The following DCUN1D3 variants were observed in gnomAD, a reference collection of about 807,000 sequenced individuals.
DCUN1D3 encodes defective in cullin neddylation 1 domain containing 3.
In DCUN1D3, 6 loss-of-function variants were observed where a neutral mutation model predicts 24.8. That is an observed-to-expected ratio of 0.24 (90% CI 0.13 to 0.48). The LOEUF is 0.48. Ranked by LOEUF, DCUN1D3 falls within the 20% of genes least tolerant of loss-of-function variation. The pLI is 0.99. For synonymous variants in DCUN1D3, 120 were observed against 144.9 expected, an observed-to-expected ratio of 0.83 and a Z score of 1.24; for missense variants, 258 against 379.4, an observed-to-expected ratio of 0.68 and a Z score of 2.66.
Position 20,859,846 on chromosome 16 carries a change from C to A in DCUN1D3, c.*40G>T, listed in dbSNP as rs368059044. 15 of 1,544,508 alleles carry A rather than the reference C, an allele frequency of 9.7e-6. No homozygotes were observed. In the African/African-American group the frequency reaches 1.2e-4, roughly 13 times the overall value. ...TCCAATTCCTCAGTTGGCTGCAGGGCAGCTGGCAGATCCTTGCTGCTGCTC... is the reference window on the plus strand; with the variant it reads ...TCCAATTCCTCAGTTGGCTGCAGGGAAGCTGGCAGATCCTTGCTGCTGCTC... On this transcript the variant is annotated 3_prime_UTR_variant, in exon 3 of 3. Transcript: ENST00000324344.
At chr16:20,875,329 T>C (rs895692372) in intron 1 of DCUN1D3, among the ~76,000 whole-genome samples, 1 of 152,158 alleles carries the variant, frequency 6.6e-6, no homozygotes, top group African/African-American at 2.4e-5. Flanking sequence ...GTGTCTTGAC[T>C]GTTCTGCAAC....
At chr16:20,875,008 C>T (rs2081806627) in intron 1 of DCUN1D3, among the ~76,000 whole-genome samples, 1 of 152,168 alleles carries the variant, frequency 6.6e-6, no homozygotes. Context: ...TTCCCACCCA[C>T]ATGACCTGCC....
chr16:20,889,758 G>A (rs2081883403), intron 1 of DCUN1D3, among the ~76,000 whole-genome samples: 1 of 152,098 alleles, frequency 6.6e-6, no homozygotes, highest in Admixed American at 6.6e-5. Context: ...TTCATGAAGA[G>A]CCCTCTGGAC....
At chr16:20,897,337 C>T (rs2081920608) in intron 1 of DCUN1D3, among the ~76,000 whole-genome samples, 2 of 152,182 alleles carry the variant, frequency 1.3e-5, no homozygotes, top group South Asian at 4.2e-4. Flanking sequence ...GAGATGAATG[C>T]CCTCAGCAGA....
chr16:20,897,283 T>C (rs1366688752), intron 1 of DCUN1D3, among the ~76,000 whole-genome samples: 1 of 152,166 alleles, frequency 6.6e-6, no homozygotes, highest in East Asian at 1.9e-4. Context: ...GCCTCTCAAG[T>C]GGACGGTCTG....
At chr16:20,896,440 C>T (rs1333249332) in intron 1 of DCUN1D3, 1 of 152,218 alleles carries the variant, frequency 6.6e-6, no homozygotes, top group East Asian at 1.9e-4. Context: ...AGCTCAGCTC[C>T]GAAAATCCAA....
chr16:20,870,123 T>C (rs2081780891), intron 1 of DCUN1D3, among the ~76,000 whole-genome samples: 1 of 152,212 alleles, frequency 6.6e-6, no homozygotes, highest in South Asian at 2.1e-4. Context: ...TCTGTGACAC[T>C]GACATTAAAG....
chr16:20,896,786 C>A (rs1482794211), intron 1 of DCUN1D3, among the ~76,000 whole-genome samples: 1 of 152,212 alleles, frequency 6.6e-6, no homozygotes, highest in African/African-American at 2.4e-5. Context: ...ACTACCAATT[C>A]TCTATTCCTT....
chr16:20,859,549 A>AC lies in DCUN1D3; in HGVS notation c.*336_*337insG, dbSNP rs1202580817. On this transcript the variant is annotated 3_prime_UTR_variant, in exon 3 of 3. Coordinates refer to ENST00000324344, the MANE Select transcript of DCUN1D3 (RefSeq NM_173475.4). ...CTATGCCCTCCCCTACCAAAAAAAA[A>AC]AAAAAAAAAACAAAAAAAAACAAAA... The AC allele has an allele frequency of 4.0e-4, 71 of 178,398 alleles. No individual in the cohort carries two copies. The highest frequency in any genetic ancestry group is 7.9e-4 in the Admixed American group (13 of 16,476). 11.1% of individuals were successfully genotyped at this position (178,398 alleles called of 1,614,324 possible).
intron 1 of DCUN1D3, among the ~76,000 whole-genome samples, chr16:20,863,673 G>C (rs565455171): frequency 2.8e-4 from 42 of 152,256 alleles, no homozygotes; most frequent in Admixed American, 7.8e-4. Context: ...CTGAGCCCAG[G>C]TCAAGGCTGC....
intron 1 of DCUN1D3, among the ~76,000 whole-genome samples, chr16:20,864,284 A>C (rs146009625): frequency 6.6e-6 from 1 of 152,222 alleles, no homozygotes. Flanking sequence ...AGGAACTTAA[A>C]TTTACAAGAG....
At chr16:20,872,397 G>A (rs972237262) in intron 1 of DCUN1D3, among the ~76,000 whole-genome samples, 3 of 151,886 alleles carry the variant, frequency 2.0e-5, no homozygotes, top group East Asian at 1.9e-4. Flanking sequence ...ATGTGGTTTC[G>A]GGAGCCAAAG....
At chr16:20,878,442 G>A in intron 1 of DCUN1D3, among the ~76,000 whole-genome samples, 1 of 152,056 alleles carries the variant, frequency 6.6e-6, no homozygotes. Flanking sequence ...TTTCAGTCAG[G>A]GTGTTATGTC....
intron 1 of DCUN1D3, among the ~76,000 whole-genome samples, chr16:20,895,014 AC>A (rs2081909128): frequency 6.6e-6 from 1 of 152,170 alleles, no homozygotes; most frequent in African/African-American, 2.4e-5. Flanking sequence ...GAAAAAAAAA[AC>A]CTAATAACAA....
rs917668618 is a variant in DCUN1D3, at chr16:20,857,763, G to A, written c.*2123C>T. 2.6e-5 allele frequency: 4 copies of A among 152,000 alleles called. No homozygotes were observed. The highest frequency in any genetic ancestry group is 6.5e-5 in the Admixed American group (1 of 15,274). The allele number at this position is 152,000 out of a possible 1,614,324, so 9.4% of individuals were successfully genotyped here. A position where few individuals can be genotyped will look rare whatever the true frequency, so the allele number is the denominator to read the frequency against. On this transcript the variant is annotated 3_prime_UTR_variant, in exon 3 of 3. Coordinates refer to ENST00000324344, the MANE Select transcript of DCUN1D3 (RefSeq NM_173475.4). ...TTCAGCTTTCTAGCAGTACTATACC[G>A]TGGGTGATCTTAAAGTTTCCCATTT...
intron 1 of DCUN1D3, among the ~76,000 whole-genome samples, chr16:20,899,038 C>A (rs1400564347): frequency 2.0e-5 from 3 of 152,236 alleles, no homozygotes; most frequent in Admixed American, 2.0e-4. Context: ...GACCCCCATA[C>A]ACAAAGAATC....
chr16:20,865,665 G>T (rs1354947581), intron 1 of DCUN1D3, among the ~76,000 whole-genome samples: 1 of 152,152 alleles, frequency 6.6e-6, no homozygotes, highest in Non-Finnish European at 1.5e-5. Flanking sequence ...GAGCTTTCAT[G>T]GACCTCTATG....
At chr16:20,875,580 A>G (rs1199523000) in intron 1 of DCUN1D3, among the ~76,000 whole-genome samples, 1 of 152,240 alleles carries the variant, frequency 6.6e-6, no homozygotes, top group Non-Finnish European at 1.5e-5. Context: ...CTATATGCAG[A>G]AGAATAAAAC....
At position 20,859,832 on chromosome 16, in the gene DCUN1D3, A is replaced by C. The variant is rs1003775404; in HGVS notation, c.*54T>G. On this transcript the variant is annotated 3_prime_UTR_variant, in exon 3 of 3. Coordinates refer to ENST00000324344, the MANE Select transcript of DCUN1D3 (RefSeq NM_173475.4). ...AATTTCCAAAATGGTCCAATTCCTC[A>C]GTTGGCTGCAGGGCAGCTGGCAGAT... is the stretch of plus-strand genomic sequence containing the variant. 3.3e-6 allele frequency: 5 copies of C among 1,528,736 alleles called. No homozygotes were observed. The highest frequency in any genetic ancestry group is 2.8e-5 in the African/African-American group (2 of 72,092). The allele number at this position is 1,528,736 out of a possible 1,614,324, so 94.7% of individuals were successfully genotyped here.
Sources: gnomAD v4.1 joint callset for allele counts (sites outside exome capture counted in the v4.1 genomes callset) on GRCh38, gnomAD v4.1.1 for gene constraint, MANE v1.5 for transcripts, NCBI Gene and HGNC (gene_info 2026-07-23, HGNC 2026-07-21) for gene names.